Variants in LGI2 observed in about 807,000 individuals in gnomAD.
LGI2 encodes the protein leucine rich repeat LGI family member 2.
In LGI2, 30 loss-of-function variants were observed where a neutral mutation model predicts 52.0. The observed-to-expected ratio is 0.58, with a 90% confidence interval of 0.43 to 0.78. The LOEUF (loss-of-function observed/expected upper bound fraction) is 0.78, where lower values mean the gene tolerates loss of function less well. LGI2 is among the 30% of genes least tolerant of loss of function. The pLI, the probability that LGI2 is intolerant of heterozygous loss-of-function variation, is 0.00. For missense variants in LGI2, 573 were observed against 692.5 expected (o/e 0.83, Z 1.94); for synonymous variants, 270 against 271.8 (o/e 0.99, Z 0.06).
At chr4:25,018,942 C>T (rs1453405962) in intron 5 of LGI2, among the ~76,000 whole-genome samples, 1 of 152,030 alleles carries the variant, frequency 6.6e-6, no homozygotes, top group Non-Finnish European at 1.5e-5. Flanking sequence ...AGGTGATCTC[C>T]CACCCAGCAA....
intron 7 of LGI2, among the ~76,000 whole-genome samples, chr4:25,009,711 C>T (rs1489906425): frequency 6.6e-6 from 1 of 152,120 alleles, no homozygotes; most frequent in East Asian, 1.9e-4. Flanking sequence ...TCTTGGCTCA[C>T]TGCAACCTCC....
downstream of LGI2, among the ~76,000 whole-genome samples, chr4:24,996,045 G>C (rs138794057): frequency 9.2e-3 from 1,403 of 152,302 alleles, 14 homozygotes; most frequent in Middle Eastern, 0.031. Context: ...GCTTGTGGGA[G>C]ACTTGATTTC....
At chr4:25,013,864 A>G (rs573837886) in intron 6 of LGI2, among the ~76,000 whole-genome samples, 3 of 152,292 alleles carry the variant, frequency 2.0e-5, no homozygotes, top group South Asian at 4.1e-4. Flanking sequence ...AACAGAAAAA[A>G]GTGAACCTCT....
chr4:25,025,335 A>G (rs961266771), intron 3 of LGI2, among the ~76,000 whole-genome samples: 1 of 152,140 alleles, frequency 6.6e-6, no homozygotes, highest in African/African-American at 2.4e-5. Flanking sequence ...TTACATCTCC[A>G]CATTAAAGTT....
Position 25,007,886 on chromosome 4 carries a change from T to G in LGI2, c.821-3618A>C, listed in dbSNP as rs1725444877. Among the ~76,000 whole-genome samples the G allele has an allele frequency of 2.6e-5, 4 of 152,184 alleles. No individual in the cohort carries two copies. In the South Asian group the frequency reaches 8.3e-4, roughly 32 times the overall value. ...AAATCCTGTCCTGCCCTTGTCAACT[T>G]GGGGACCACCCCATGGCCAAACAAG... On this transcript the variant is annotated intron_variant, in intron 7 of 7. Transcript: ENST00000382114.
chr4:25,018,602 C>T (rs1404952002), intron 5 of LGI2, among the ~76,000 whole-genome samples: 1 of 152,144 alleles, frequency 6.6e-6, no homozygotes, highest in Admixed American at 6.5e-5. Context: ...TGGCTCATGC[C>T]TGTAATTCTA....
At chr4:24,993,757 A>G in the LGI2 span, among the ~76,000 whole-genome samples, 2 of 152,326 alleles carry the variant, frequency 1.3e-5, no homozygotes, top group Non-Finnish European at 2.9e-5. Context: ...CTATGATTCC[A>G]TGCTTAGAAA....
intron 2 of LGI2, 83 bp downstream of exon 2, chr4:25,028,424 C>T (rs1726213345): frequency 2.3e-6 from 3 of 1,277,744 alleles, no homozygotes; most frequent in Non-Finnish European, 3.4e-6. Context: ...TTAGGAAGGG[C>T]TGATACCAAA....
chr4:25,004,087 G>C lies in LGI2; in HGVS notation c.1002C>G (p.Ile334Met). 2 of 1,614,158 alleles carry C rather than the reference G, an allele frequency of 1.2e-6. No individual in the cohort carries two copies. The highest frequency in any genetic ancestry group is 8.5e-7 in the Non-Finnish European group (1 of 1,180,024). The change falls in exon 8 of 8, where the codon ATC becomes ATG. Residue 334 changes from isoleucine (I) to methionine (M), a missense_variant. Ile to Met is a conservative substitution (Grantham distance 10, BLOSUM62 1). Transcript: ENST00000382114. The surrounding 1 kb of genome is among the most constrained non-coding windows in gnomAD (Gnocchi z 4.6). The part of the protein sequence containing the change: ...SKPNDIELFQ[I>M]DDETFFVIAD... Reference sequence around the variant, plus strand: ...CGATGACAAAGAACGTCTCGTCGTCGATCTGAAACAGCTCGATGTCATTGG... The same window carrying C: ...CGATGACAAAGAACGTCTCGTCGTCCATCTGAAACAGCTCGATGTCATTGG...
intron 5 of LGI2, 114 bp from the exon 6 acceptor site, chr4:25,018,272 C>A: frequency 1.4e-6 from 1 of 715,440 alleles, no homozygotes; most frequent in Non-Finnish European, 2.2e-6. Flanking sequence ...TTTAAAACCC[C>A]CTAAAAATGG....
intron 4 of LGI2, among the ~76,000 whole-genome samples, chr4:25,024,207 T>A (rs1443962725): frequency 6.6e-6 from 1 of 152,138 alleles, no homozygotes; most frequent in Non-Finnish European, 1.5e-5. Context: ...CAAGCAGGTA[T>A]AAGACCCACA....
chr4:25,009,318 C>T (rs1725498046), intron 7 of LGI2, among the ~76,000 whole-genome samples: 1 of 152,164 alleles, frequency 6.6e-6, no homozygotes, highest in African/African-American at 2.4e-5. Flanking sequence ...TACCTTTGGA[C>T]TTGCTGCTCC....
At chr4:25,010,993 G>T in intron 7 of LGI2, among the ~76,000 whole-genome samples, 1 of 151,364 alleles carries the variant, frequency 6.6e-6, no homozygotes. Context: ...GGGGCAGGAG[G>T]ATCCCTTGAG....
intron 1 of LGI2, among the ~76,000 whole-genome samples, chr4:25,029,029 A>C (rs897297184): frequency 2.6e-5 from 4 of 152,156 alleles, no homozygotes; most frequent in Non-Finnish European, 4.4e-5. Context: ...CTCCTGATTA[A>C]ATGCAACATG....
chr4:24,998,261 C>T (rs1725138359), downstream of LGI2, among the ~76,000 whole-genome samples: 1 of 152,132 alleles, frequency 6.6e-6, no homozygotes, highest in Non-Finnish European at 1.5e-5. Flanking sequence ...GATTTTAAGT[C>T]TCTTGAGGGC....
rs1420731364 is a variant in LGI2, at chr4:25,003,609, T to C, written c.1480A>G (p.Lys494Glu). 1 of 1,614,120 alleles carries C rather than the reference T, an allele frequency of 6.2e-7. No homozygotes were observed. The highest frequency in any genetic ancestry group is 1.3e-5 in the African/African-American group (1 of 74,946). ...YTFSQIYQWD[K>E]EKQLFKKFKE... ...AACTTTTTGAATAGCTGCTTCTCTT[T>C]ATCCCACTGGTATATCTGAGAGAAT... Residue 494 changes from lysine to glutamate, a missense_variant, in exon 8 of 8, where the codon AAA becomes GAA. By Grantham distance (56) the Lys-to-Glu change is moderately conservative. Transcript: ENST00000382114.
At chr4:24,992,357 A>T in the LGI2 span, among the ~76,000 whole-genome samples, 1 of 152,098 alleles carries the variant, frequency 6.6e-6, no homozygotes, top group East Asian at 1.9e-4. Context: ...CTGGTGGCAC[A>T]CAAGAGGGCT....
At chr4:25,005,883 A>G (rs1416427132) in intron 7 of LGI2, among the ~76,000 whole-genome samples, 1 of 152,084 alleles carries the variant, frequency 6.6e-6, no homozygotes, top group Non-Finnish European at 1.5e-5. Flanking sequence ...GGTTAACCCA[A>G]CTCTCTGTGC....
intron 3 of LGI2, among the ~76,000 whole-genome samples, chr4:25,025,304 C>T (rs1268999906): frequency 6.6e-6 from 1 of 152,142 alleles, no homozygotes; most frequent in Non-Finnish European, 1.5e-5. Context: ...TGTCACTGTC[C>T]CTTGAGAGGG....
Sources: allele counts gnomAD v4.1 joint callset (sites outside exome capture counted in the v4.1 genomes callset), GRCh38; gene constraint gnomAD v4.1.1; non-coding constraint Gnocchi (gnomAD v3.1); transcripts MANE v1.5; gene names NCBI Gene and HGNC (gene_info 2026-07-23, HGNC 2026-07-21).